The following WDR70 variants were observed in gnomAD, a reference collection of about 807,000 sequenced individuals.
The protein encoded by WDR70 is WD repeat-containing protein 70.
A neutral mutation model predicts 88.6 loss-of-function variants in WDR70; 53 were observed. The ratio of observed to expected loss-of-function variants is 0.60; its 90% confidence interval spans 0.48 to 0.75. The LOEUF (loss-of-function observed/expected upper bound fraction) is 0.75, where lower values mean the gene tolerates loss of function less well. Ranked by LOEUF, WDR70 falls within the 30% of genes least tolerant of loss-of-function variation. The pLI, the probability that WDR70 is intolerant of heterozygous loss-of-function variation, is 0.00. For synonymous variants in WDR70, 280 were observed against 270.0 expected (o/e 1.04, Z -0.36); for missense variants, 610 against 823.2 (o/e 0.74, Z 3.17).
intron 9 of WDR70, among the ~76,000 whole-genome samples, chr5:37,592,781 A>G (rs554006422): frequency 1.3e-5 from 2 of 152,348 alleles, no homozygotes; most frequent in South Asian, 4.1e-4. Context: ...CCAGTGCAAT[A>G]AGACAAATAA....
intron 10 of WDR70, among the ~76,000 whole-genome samples, chr5:37,639,354 T>C (rs1473270124): frequency 6.6e-6 from 1 of 152,144 alleles, no homozygotes; most frequent in South Asian, 2.1e-4. Context: ...TTGTAGTCAG[T>C]TAGCAGTCTA....
chr5:37,381,555 C>T, intron 2 of WDR70, 47 bp from the exon 3 acceptor site: 1 of 1,570,126 alleles, frequency 6.4e-7, no homozygotes, highest in Non-Finnish European at 8.7e-7. Context: ...AAAGTTTGGC[C>T]AACTTACTGC....
At chr5:37,598,932 C>T (rs1743780858) in intron 9 of WDR70, among the ~76,000 whole-genome samples, 1 of 152,194 alleles carries the variant, frequency 6.6e-6, no homozygotes, top group Non-Finnish European at 1.5e-5. Context: ...CAAATGCTTT[C>T]TGTCTTAAAA....
At chr5:37,579,879 A>G (rs905027799) in intron 9 of WDR70, among the ~76,000 whole-genome samples, 1 of 151,814 alleles carries the variant, frequency 6.6e-6, no homozygotes, top group African/African-American at 2.4e-5. Context: ...TCTCTTTTGT[A>G]TTTCCTTAAC....
intron 10 of WDR70, among the ~76,000 whole-genome samples, chr5:37,619,338 A>G (rs937419640): frequency 2.0e-5 from 3 of 151,944 alleles, no homozygotes; most frequent in African/African-American, 2.4e-5. Context: ...GGTTATCTAG[A>G]TAGGGCTATG....
chr5:37,616,561 C>CCA (rs1744349597), intron 10 of WDR70, among the ~76,000 whole-genome samples: 1 of 152,310 alleles, frequency 6.6e-6, no homozygotes, highest in Non-Finnish European at 1.5e-5. Context: ...TAGCCACCAT[C>CCA]CACTATCCAA....
intron 10 of WDR70, among the ~76,000 whole-genome samples, chr5:37,648,570 A>AGGCCGGGCGCGGTGGCTG (rs1554008609): frequency 6.6e-6 from 1 of 150,800 alleles, no homozygotes; most frequent in African/African-American, 2.5e-5. Context: ...GTCACTGTAA[A>AGGCCGGGCGCGGTGGCTG]ATAACACCAA....
At chr5:37,511,538 T>A (rs1740722282) in intron 8 of WDR70, among the ~76,000 whole-genome samples, 1 of 152,204 alleles carries the variant, frequency 6.6e-6, no homozygotes, top group Non-Finnish European at 1.5e-5. Context: ...CCTGGTTCCT[T>A]TTAAGGAGAG....
intron 9 of WDR70, among the ~76,000 whole-genome samples, chr5:37,571,458 G>A (rs1175256877): frequency 6.6e-6 from 1 of 152,164 alleles, no homozygotes. Flanking sequence ...CTAGATGTTG[G>A]AATAAATTTG....
intron 9 of WDR70, among the ~76,000 whole-genome samples, chr5:37,583,114 G>T (rs1342741400): frequency 6.6e-6 from 1 of 152,148 alleles, no homozygotes; most frequent in Non-Finnish European, 1.5e-5. Flanking sequence ...CATAGAAAAT[G>T]TATCCCCCTA....
Position 37,637,339 on chromosome 5 carries a change from TTAAATAAATAAA to T in WDR70, c.1092+32130_1092+32141del, listed in dbSNP as rs34958458. Among the ~76,000 whole-genome samples, 240 of 145,084 alleles carry T rather than the reference TTAAATAAATAAA, an allele frequency of 1.7e-3. 1 individual carries two copies. The highest frequency in any genetic ancestry group is 4.8e-3 in the African/African-American group (191 of 39,672). ...GACTCTGTCTCAAAAAATAAATAAA[TTAAATAAATAAA>T]TAAATAAATAAATAAATAAATAAAT... On this transcript the variant is annotated intron_variant, in intron 10 of 17. Coordinates refer to ENST00000265107, the MANE Select transcript of WDR70 (RefSeq NM_018034.4).
chr5:37,553,655 G>A (rs1408526927), intron 9 of WDR70, among the ~76,000 whole-genome samples: 4 of 152,158 alleles, frequency 2.6e-5, no homozygotes, highest in Non-Finnish European at 4.4e-5. Context: ...AGTGTGGTAC[G>A]CAGTCACAAG....
At chr5:37,608,924 C>T (rs1030264005) in intron 10 of WDR70, among the ~76,000 whole-genome samples, 1 of 152,180 alleles carries the variant, frequency 6.6e-6, no homozygotes, top group Non-Finnish European at 1.5e-5. Context: ...GCTGTCTGTT[C>T]TACTCCCTGC....
chr5:37,449,291 G>A (rs1305359056), intron 7 of WDR70, among the ~76,000 whole-genome samples: 1 of 151,928 alleles, frequency 6.6e-6, no homozygotes, highest in African/African-American at 2.4e-5. Context: ...CTTAATTTTT[G>A]ATACTGCAGG....
At chr5:37,724,442 C>A (rs902874236) in intron 15 of WDR70, 2 of 152,902 alleles carry the variant, frequency 1.3e-5, no homozygotes, top group African/African-American at 4.8e-5. Context: ...GATAAGTGTT[C>A]CTCCCTTCCG....
At chr5:37,572,604 CCTTT>C (rs1742941160) in intron 9 of WDR70, among the ~76,000 whole-genome samples, 2 of 152,116 alleles carry the variant, frequency 1.3e-5, no homozygotes, top group South Asian at 4.1e-4. Context: ...CCCTAAACTT[CCTTT>C]CTTTTAACCC....
chr5:37,520,173 T>A (rs1410969595), intron 9 of WDR70, among the ~76,000 whole-genome samples: 1 of 152,222 alleles, frequency 6.6e-6, no homozygotes, highest in Admixed American at 6.5e-5. Flanking sequence ...AGAACTTTTT[T>A]ATTCTTAGGT....
At chr5:37,564,175 A>G (rs1471850983) in intron 9 of WDR70, among the ~76,000 whole-genome samples, 5 of 151,244 alleles carry the variant, frequency 3.3e-5, no homozygotes, top group Non-Finnish European at 7.4e-5. Flanking sequence ...CAAGGCAGGC[A>G]GCTGGGAGGT....
chr5:37,700,294 A>C (rs1400253469), intron 11 of WDR70: 4 of 152,330 alleles, frequency 2.6e-5, no homozygotes, highest in African/African-American at 9.6e-5. Context: ...GTCCTATAGA[A>C]ATATTAAAAA....
Sources: allele counts gnomAD v4.1 joint callset (sites outside exome capture counted in the v4.1 genomes callset), GRCh38; gene constraint gnomAD v4.1.1; transcripts MANE v1.5; gene names NCBI Gene and HGNC (gene_info 2026-07-23, HGNC 2026-07-21).